GALNT17: variants seen among roughly 807,000 people sequenced by gnomAD.
The protein encoded by GALNT17 is polypeptide N-acetylgalactosaminyltransferase 17.
In GALNT17, 29 loss-of-function variants were observed where a neutral mutation model predicts 63.7. That is an observed-to-expected ratio of 0.46 (90% confidence interval 0.34 to 0.62). The LOEUF is 0.62. Ranked by LOEUF, GALNT17 falls within the 20% of genes least tolerant of loss-of-function variation. GALNT17 has a pLI of 0.01. For synonymous variants in GALNT17, 305 were observed against 318.3 expected (o/e 0.96, Z 0.45); for missense variants, 603 against 799.6 (o/e 0.75, Z 2.97).
At chr7:71,235,016 T>C (rs1346278476) in intron 1 of GALNT17, among the ~76,000 whole-genome samples, 1 of 152,074 alleles carries the variant, frequency 6.6e-6, no homozygotes, top group Non-Finnish European at 1.5e-5. Context: ...TTTGGGAGGC[T>C]GAGGCGGGCA....
chr7:71,585,371 ATTAGGG>A (rs1789699828), intron 6 of GALNT17, among the ~76,000 whole-genome samples: 1 of 152,212 alleles, frequency 6.6e-6, no homozygotes, highest in African/African-American at 2.4e-5. Context: ...CCATTAATTC[ATTAGGG>A]CCTACGGAAT....
At chr7:71,453,337 G>A (rs147765661) in intron 5 of GALNT17, among the ~76,000 whole-genome samples, 27 of 152,278 alleles carry the variant, frequency 1.8e-4, no homozygotes, top group Non-Finnish European at 3.2e-4. Context: ...ACTGAGACTA[G>A]GAAATTTACA....
At chr7:71,449,897 C>T (rs571690259) in intron 5 of GALNT17, among the ~76,000 whole-genome samples, 177 of 151,794 alleles carry the variant, frequency 1.2e-3, no homozygotes, top group African/African-American at 4.1e-3. Context: ...CAAAATTAGC[C>T]AGTCGTGGTG....
At chr7:71,673,943 C>T (rs551474169) in intron 8 of GALNT17, among the ~76,000 whole-genome samples, 19 of 152,228 alleles carry the variant, frequency 1.2e-4, no homozygotes, top group Non-Finnish European at 2.6e-4. Context: ...CTGTGTACAG[C>T]TCCAAGTCTG....
chr7:71,282,450 C>T (rs1796090), intron 1 of GALNT17, among the ~76,000 whole-genome samples: 1 of 152,200 alleles, frequency 6.6e-6, no homozygotes. Context: ...TTCTTTGCCC[C>T]CGCAAGGCTA....
At chr7:71,595,481 A>C (rs1446093228) in intron 6 of GALNT17, among the ~76,000 whole-genome samples, 1 of 151,886 alleles carries the variant, frequency 6.6e-6, no homozygotes, top group African/African-American at 2.4e-5. Flanking sequence ...GGATGAATTG[A>C]TAGTCATGAT....
At chr7:71,245,598 T>C (rs1790079348) in intron 1 of GALNT17, among the ~76,000 whole-genome samples, 1 of 152,204 alleles carries the variant, frequency 6.6e-6, no homozygotes, top group Non-Finnish European at 1.5e-5. Context: ...CCTCTAGTTC[T>C]GGGTCTCTGA....
intron 1 of GALNT17, among the ~76,000 whole-genome samples, chr7:71,302,775 G>A (rs1173136394): frequency 1.3e-5 from 2 of 152,080 alleles, no homozygotes; most frequent in Non-Finnish European, 2.9e-5. Flanking sequence ...TTCAACATGG[G>A]GTATTCATTT....
chr7:71,228,297 G>A (rs967056393), intron 1 of GALNT17, among the ~76,000 whole-genome samples: 1 of 152,134 alleles, frequency 6.6e-6, no homozygotes, highest in African/African-American at 2.4e-5. Context: ...GCCATCCCTG[G>A]TTCCATCTGG....
intron 2 of GALNT17, among the ~76,000 whole-genome samples, chr7:71,340,881 A>G (rs993079501): frequency 3.9e-5 from 6 of 152,010 alleles, no homozygotes; most frequent in Non-Finnish European, 5.9e-5. Flanking sequence ...TAAAAATACA[A>G]GAAAAAATTA....
In GALNT17 at chr7:71,523,358, G is replaced by A. The variant is rs188164789; in HGVS notation, c.963-47927G>A. 2.9e-3 allele frequency among the ~76,000 whole-genome samples: 441 copies of A among 152,334 alleles called. 3 individuals are homozygous for A. Among genetic ancestry groups the A allele is most frequent in the Middle Eastern group, 0.01 (3 of 294 alleles). On this transcript the variant is annotated intron_variant, in intron 5 of 10. Transcript: ENST00000333538. ...GTGGGAGAATTGCTTGAGCCCAGGA[G>A]GCAGAGGCTGTGGTGAGCTGAGACT... is the stretch of plus-strand genomic sequence containing the variant.
intron 9 of GALNT17, among the ~76,000 whole-genome samples, chr7:71,678,135 T>A (rs1562732876): frequency 6.6e-6 from 1 of 151,724 alleles, no homozygotes; most frequent in African/African-American, 2.4e-5. Context: ...TTTATCTGTT[T>A]ATTTTTTTAG....
At chr7:71,682,266 G>T (rs1791278725) in intron 9 of GALNT17, among the ~76,000 whole-genome samples, 1 of 152,114 alleles carries the variant, frequency 6.6e-6, no homozygotes, top group African/African-American at 2.4e-5. Flanking sequence ...AAGCACGTGG[G>T]TGAACCTGAG....
At chr7:71,316,310 G>A (rs1052103578) in intron 1 of GALNT17, among the ~76,000 whole-genome samples, 2 of 139,776 alleles carry the variant, frequency 1.4e-5, no homozygotes, top group African/African-American at 5.2e-5. Context: ...GAATGGAACA[G>A]GGTGGGCTGG....
intron 9 of GALNT17, among the ~76,000 whole-genome samples, chr7:71,686,247 G>GC (rs1189110019): frequency 1.4e-4 from 22 of 152,066 alleles, no homozygotes; most frequent in African/African-American, 4.6e-4. Flanking sequence ...AAGCCACGGC[G>GC]CCCAGCCTGT....
intron 1 of GALNT17, among the ~76,000 whole-genome samples, chr7:71,208,128 G>A (rs553162267): frequency 2.0e-5 from 3 of 151,984 alleles, no homozygotes; most frequent in Admixed American, 6.6e-5. Context: ...GAAGAGATGG[G>A]TTTTCTTCAT....
At chr7:71,707,074 A>G (rs536786408) in intron 9 of GALNT17, among the ~76,000 whole-genome samples, 4 of 152,364 alleles carry the variant, frequency 2.6e-5, no homozygotes, top group Admixed American at 1.3e-4. Context: ...TATAAAATGT[A>G]AAGAATAATA....
intron 7 of GALNT17, among the ~76,000 whole-genome samples, chr7:71,668,803 A>G (rs1283772549): frequency 2.0e-5 from 3 of 152,170 alleles, no homozygotes; most frequent in Non-Finnish European, 2.9e-5. Context: ...AGCACACAGC[A>G]GCCATTATGG....
intron 2 of GALNT17, among the ~76,000 whole-genome samples, chr7:71,360,299 C>T (rs1253144523): frequency 6.6e-6 from 1 of 152,198 alleles, no homozygotes; most frequent in Non-Finnish European, 1.5e-5. Flanking sequence ...TAAATTATGA[C>T]TACTAACTCG....
Sources: allele counts gnomAD v4.1 joint callset (sites outside exome capture counted in the v4.1 genomes callset), GRCh38; gene constraint gnomAD v4.1.1; transcripts MANE v1.5; gene names NCBI Gene and HGNC (gene_info 2026-07-23, HGNC 2026-07-21).